SYTL1: variants seen among roughly 807,000 people sequenced by gnomAD.
SYTL1 encodes the protein synaptotagmin-like protein 1.
A neutral mutation model predicts 74.6 loss-of-function variants in SYTL1; 53 were observed. That is an observed-to-expected ratio of 0.71 (90% CI 0.57 to 0.89). The LOEUF (loss-of-function observed/expected upper bound fraction) is 0.89. Among genes scored for constraint, SYTL1 ranks in the 40% least tolerant of loss-of-function variants. The pLI is 0.00. For synonymous variants in SYTL1, 329 were observed against 324.9 expected (o/e 1.01, Z -0.14); for missense variants, 728 against 768.7 (o/e 0.95, Z 0.63).
chr1:27,349,802 GT>G (rs1557543284), intron 8 of SYTL1, 37 bp downstream of exon 8: 1 of 1,561,868 alleles, frequency 6.4e-7, no homozygotes, highest in South Asian at 1.2e-5. Context: ...CGGCCGGGGG[GT>G]GGACCCGTTC....
chr1:27,349,798 G>T (rs145411679), intron 8 of SYTL1, 33 bp downstream of exon 8: 36,506 of 1,565,038 alleles, frequency 0.023, 496 homozygotes, highest in Non-Finnish European at 0.028. Context: ...CGGGCGGCCG[G>T]GGGGTGGACC....
chr1:27,350,666 T>C lies in SYTL1; in HGVS notation c.1006-128T>C. The stretch of plus-strand genomic sequence containing the variant: ...GCGTGGTGATAGTGCAGGTCCCCAT[T>C]AATGCCCTTAGGGGCTCCCCAGAAT... On this transcript the variant is annotated intron_variant, in intron 10 of 14. Coordinates refer to ENST00000616558, the MANE Select transcript of SYTL1 (RefSeq NM_001193308.2). The surrounding 1 kb of genome is among the most constrained non-coding windows in gnomAD (Gnocchi z 6.3). 1.6e-6 allele frequency: 2 copies of C among 1,227,124 alleles called. No individual in the cohort carries two copies. The highest frequency in any genetic ancestry group is 4.2e-5 in the Admixed American group (2 of 47,590). 76.0% of individuals were successfully genotyped at this position (1,227,124 alleles called of 1,614,324 possible). A position where few individuals can be genotyped will look rare whatever the true frequency, so the allele number is the denominator to read the frequency against.
chr1:27,344,996 A>G (rs1331798438), intron 1 of SYTL1: 1 of 190,402 alleles, frequency 5.3e-6, no homozygotes, highest in Non-Finnish European at 1.1e-5. Flanking sequence ...GACCATATCT[A>G]TGCCTACATG....
In SYTL1 at chr1:27,349,719, G is replaced by T; in HGVS notation, c.701G>T (p.Arg234Leu). The T allele has an allele frequency of 6.2e-7, 1 of 1,609,990 alleles. No homozygotes were observed. ...CCGGGGCCCGACCCCTCTCTCGACCGCATGCTCAGCAGCAGCTCCTCGGTG... is the reference window on the plus strand; with the variant it reads ...CCGGGGCCCGACCCCTCTCTCGACCTCATGCTCAGCAGCAGCTCCTCGGTG... ...EAPGPDPSLDRMLSSSSSVSS... is the reference protein window; with the variant it reads ...EAPGPDPSLDLMLSSSSSVSS... Residue 234 changes from arginine to leucine, a missense_variant, in exon 8 of 15, where the codon CGC becomes CTC. Coordinates refer to ENST00000616558, the MANE Select transcript of SYTL1 (RefSeq NM_001193308.2).
chr1:27,350,529 C>T lies in SYTL1; in HGVS notation c.1005+44C>T. On this transcript the variant is annotated intron_variant, in intron 10 of 14. Transcript: ENST00000616558. This position sits in a 1 kb window ranked among gnomAD's most constrained non-coding sequence, Gnocchi z 6.3. ...TGCGGTTCCCCGTTAATGAACTGGA[C>T]GCCCCCTTCCTGCGGGGCTAGGTGG... The T allele has an allele frequency of 6.6e-7, 1 of 1,513,692 alleles. No homozygotes were observed. The highest frequency in any genetic ancestry group is 9.1e-7 in the Non-Finnish European group (1 of 1,098,028). The allele number at this position is 1,513,692 out of a possible 1,614,324, so 93.8% of individuals were successfully genotyped here. A position where few individuals can be genotyped will look rare whatever the true frequency, so the allele number is the denominator to read the frequency against.
rs1490201363 is a variant in SYTL1, at chr1:27,349,096, C to T, written c.476C>T (p.Ser159Leu). The T allele has an allele frequency of 6.2e-7, 1 of 1,613,852 alleles. No homozygotes were observed. ...LRETEGPDFP[S>L]PSVPLKASDP... Reference sequence around the variant, plus strand: ...TTCCTTCAGGGACCTGATTTCCCATCGCCTTCTGTCCCCCTAAAGGCTTCA... The same window carrying T: ...TTCCTTCAGGGACCTGATTTCCCATTGCCTTCTGTCCCCCTAAAGGCTTCA... The change falls in exon 6 of 15, where the codon TCG becomes TTG. Residue 159 changes from serine to leucine, a missense_variant. Coordinates refer to ENST00000616558, the MANE Select transcript of SYTL1 (RefSeq NM_001193308.2).
At chr1:27,353,583 A>G in intron 14 of SYTL1, 95 bp downstream of exon 14, 1 of 1,533,638 alleles carries the variant, frequency 6.5e-7, no homozygotes, top group Non-Finnish European at 8.9e-7. Flanking sequence ...TCCTTTCCTG[A>G]GCTTTGATAT....
In SYTL1 at chr1:27,343,442, G is replaced by A. The variant is rs1423278957; in HGVS notation, c.-39+1292G>A. Among the ~76,000 whole-genome samples the A allele has an allele frequency of 4.6e-5, 7 of 152,124 alleles. No individual in the cohort carries two copies. The highest frequency in any genetic ancestry group is 2.9e-5 in the Non-Finnish European group (2 of 68,020). ...TGGAGGCCTCCGTGGGAGTGGGTGC[G>A]GCAGTTACCTCAGGAGAGGAAGTTG... is the stretch of plus-strand genomic sequence containing the variant. On this transcript the variant is annotated intron_variant, in intron 1 of 14. Coordinates refer to ENST00000616558, the MANE Select transcript of SYTL1 (RefSeq NM_001193308.2). This position sits in a 1 kb window ranked among gnomAD's most constrained non-coding sequence, Gnocchi z 5.2.
At position 27,347,081 on chromosome 1, in the gene SYTL1, C is replaced by T. The variant is rs2015031537; in HGVS notation, c.192-340C>T. Among the ~76,000 whole-genome samples, 1 of 152,106 alleles carries T rather than the reference C, an allele frequency of 6.6e-6. No homozygotes were observed. Among genetic ancestry groups the T allele is most frequent in the African/African-American group, 2.4e-5 (1 of 41,390 alleles). ...AGGTTGCAGTGAGCTGAGATTGCGC[C>T]ACAGCACTCCAGCCTGGGCATAGAG... On this transcript the variant is annotated intron_variant, in intron 2 of 14. Transcript: ENST00000616558. This position sits in a 1 kb window ranked among gnomAD's most constrained non-coding sequence, Gnocchi z 4.9.
chr1:27,351,344 A>G lies in SYTL1; in HGVS notation c.1243+8A>G. On this transcript the variant is annotated splice_region_variant and intron_variant, in intron 12 of 14. Coordinates refer to ENST00000616558, the MANE Select transcript of SYTL1 (RefSeq NM_001193308.2). The surrounding 1 kb of genome is among the most constrained non-coding windows in gnomAD (Gnocchi z 5.0). ...TCCCCGCCGGCTCCGAGGGTGAGTG[A>G]CAGCCGGAGAGGCCAAGCTGGACAC... 1 of 1,542,514 alleles carries G rather than the reference A, an allele frequency of 6.5e-7. No homozygotes were observed. The highest frequency in any genetic ancestry group is 8.8e-7 in the Non-Finnish European group (1 of 1,142,820).
At position 27,349,461 on chromosome 1, in the gene SYTL1, CG is replaced by C; in HGVS notation, c.602del (p.Gly201GlufsTer50). ...GCTGACCCGGAGCTGGAGCCCGCGTCGGGGGGAGAGCAGGAGCCGCGGCCCC... is the reference window on the plus strand; with the variant it reads ...GCTGACCCGGAGCTGGAGCCCGCGTCGGGGGAGAGCAGGAGCCGCGGCCCC... ...EEADPELEPA[S>X]GGEQEPRPQQ... is the part of the protein sequence containing the mutation. On this transcript the variant is annotated frameshift_variant, in exon 7 of 15. Transcript: ENST00000616558. LOFTEE classifies it high-confidence loss of function. 1 of 1,452,770 alleles carries C rather than the reference CG, an allele frequency of 6.9e-7. No homozygotes were observed. Among genetic ancestry groups the C allele is most frequent in the African/African-American group, 1.4e-5 (1 of 69,510 alleles). The allele number at this position is 1,452,770 out of a possible 1,614,324, so 90.0% of individuals were successfully genotyped here.
Position 27,350,278 on chromosome 1 carries a change from G to A in SYTL1, c.909-111G>A, listed in dbSNP as rs763397630. On this transcript the variant is annotated intron_variant, in intron 9 of 14. Transcript: ENST00000616558. This position sits in a 1 kb window ranked among gnomAD's most constrained non-coding sequence, Gnocchi z 6.3. ...GATTAAGCGAGACAATCCCTGTAAA[G>A]CGCTTAGCACGAGGCCTGGCACGTG... 6.7e-7 allele frequency: 1 copy of A among 1,486,770 alleles called. No homozygotes were observed. Among genetic ancestry groups the A allele is most frequent in the Non-Finnish European group, 9.4e-7 (1 of 1,065,310 alleles). The allele number at this position is 1,486,770 out of a possible 1,614,324, so 92.1% of individuals were successfully genotyped here. A position where few individuals can be genotyped will look rare whatever the true frequency, so the allele number is the denominator to read the frequency against.
chr1:27,351,523 G>C lies in SYTL1; in HGVS notation c.1311G>C (p.Leu437=). 1 of 1,548,368 alleles carries C rather than the reference G, an allele frequency of 6.5e-7. No individual in the cohort carries two copies. The highest frequency in any genetic ancestry group is 8.7e-7 in the Non-Finnish European group (1 of 1,145,584). ...AGGAGGCTCGGGACCTCCTGCCGCT[G>C]CGGGCAGGATCCCTGGACACTTACG... The part of the protein sequence containing the change: ...WVKEARDLLP[L]RAGSLDTYVQ... The change falls in exon 13 of 15, where the codon CTG becomes CTC. Residue 437 remains leucine, a synonymous_variant. Coordinates refer to ENST00000616558, the MANE Select transcript of SYTL1 (RefSeq NM_001193308.2). This position sits in a 1 kb window ranked among gnomAD's most constrained non-coding sequence, Gnocchi z 5.0.
intron 2 of SYTL1, among the ~76,000 whole-genome samples, chr1:27,346,432 G>A (rs1161012700): frequency 2.0e-5 from 3 of 152,180 alleles, no homozygotes; most frequent in Admixed American, 6.5e-5. Context: ...CATGCTCGTC[G>A]TCTGTAAAAT....
chr1:27,351,014 G>T lies in SYTL1; in HGVS notation c.1164+62G>T. 6.3e-7 allele frequency: 1 copy of T among 1,584,664 alleles called. No homozygotes were observed. Among genetic ancestry groups the T allele is most frequent in the South Asian group, 1.1e-5 (1 of 89,686 alleles). On this transcript the variant is annotated intron_variant, in intron 11 of 14. Coordinates refer to ENST00000616558, the MANE Select transcript of SYTL1 (RefSeq NM_001193308.2). This position sits in a 1 kb window ranked among gnomAD's most constrained non-coding sequence, Gnocchi z 5.0. ...CGGGTCTCCTGCATTTACCCCACCA[G>T]GCTCTCCCGCAGCCCCCTCACACCC...
chr1:27,350,501 C>A lies in SYTL1; in HGVS notation c.1005+16C>A. ...GACTCTCCGGGTGAGGCTGTGACCA[C>A]GATGCGGTTCCCCGTTAATGAACTG... On this transcript the variant is annotated intron_variant, in intron 10 of 14. Coordinates refer to ENST00000616558, the MANE Select transcript of SYTL1 (RefSeq NM_001193308.2). The surrounding 1 kb of genome is among the most constrained non-coding windows in gnomAD (Gnocchi z 6.3). 6.3e-7 allele frequency: 1 copy of A among 1,597,050 alleles called. No individual in the cohort carries two copies. The highest frequency in any genetic ancestry group is 8.6e-7 in the Non-Finnish European group (1 of 1,166,866).
In SYTL1 at chr1:27,351,342, T is replaced by G; in HGVS notation, c.1243+6T>G. ...CGTCCCCGCCGGCTCCGAGGGTGAG[T>G]GACAGCCGGAGAGGCCAAGCTGGAC... On this transcript the variant is annotated splice_donor_region_variant and intron_variant, in intron 12 of 14. Coordinates refer to ENST00000616558, the MANE Select transcript of SYTL1 (RefSeq NM_001193308.2). This position sits in a 1 kb window ranked among gnomAD's most constrained non-coding sequence, Gnocchi z 5.0. 1 of 1,544,798 alleles carries G rather than the reference T, an allele frequency of 6.5e-7. No homozygotes were observed. Among genetic ancestry groups the G allele is most frequent in the Non-Finnish European group, 8.7e-7 (1 of 1,144,144 alleles).
intron 1 of SYTL1, chr1:27,344,932 G>C (rs1262095145): frequency 1.3e-5 from 2 of 157,284 alleles, no homozygotes; most frequent in Admixed American, 6.5e-5. Flanking sequence ...GGCCCTTTCT[G>C]GGGGAACAGC....
chr1:27,352,029 G>A (rs920650490), intron 13 of SYTL1: 1 of 153,212 alleles, frequency 6.5e-6, no homozygotes, highest in African/African-American at 2.4e-5. Context: ...TGCAGAGGGG[G>A]TTCCCAGGCT....
Sources: allele counts gnomAD v4.1 joint callset (sites outside exome capture counted in the v4.1 genomes callset), GRCh38; gene constraint gnomAD v4.1.1; non-coding constraint Gnocchi (gnomAD v3.1); transcripts MANE v1.5; gene names NCBI Gene and HGNC (gene_info 2026-07-23, HGNC 2026-07-21).